Variants in ZKSCAN5 observed in about 807,000 individuals in gnomAD.
The protein encoded by ZKSCAN5 is zinc finger with KRAB and SCAN domains 5, also known as zinc finger protein with KRAB and SCAN domains 5.
In ZKSCAN5, 28 loss-of-function variants were observed where a neutral mutation model predicts 60.0. The ratio of observed to expected loss-of-function variants is 0.47; its 90% CI spans 0.35 to 0.64. ZKSCAN5 has a LOEUF of 0.64. ZKSCAN5 is among the 30% of genes least tolerant of loss of function. The probability of loss-of-function intolerance (pLI) is 0.01; values close to 1 mark genes in which losing one functional copy is unlikely to be tolerated. For synonymous variants in ZKSCAN5, 361 were observed against 371.2 expected, an observed-to-expected ratio of 0.97 and a Z score of 0.31; for missense variants, 881 against 1,034.6, an observed-to-expected ratio of 0.85 and a Z score of 2.04.
rs147399702 is a variant in ZKSCAN5 at position 99,507,573 on chromosome 7, A to G, written c.414+1115A>G. 6.1e-3 allele frequency among the ~76,000 whole-genome samples: 907 copies of G among 148,984 alleles called. 11 individuals carry two copies. The highest frequency in any genetic ancestry group is 0.02 in the African/African-American group (823 of 40,726). ...TATATGTATATATATGTGTATATAT[A>G]TGTGTATATTTATGTGTGTGTGTAT... On this transcript the variant is annotated intron_variant, in intron 2 of 6. Transcript: ENST00000326775.
chr7:99,522,028 G>A (rs1801560212), intron 5 of ZKSCAN5, among the ~76,000 whole-genome samples: 1 of 152,112 alleles, frequency 6.6e-6, no homozygotes. Context: ...TCTCTAAGCA[G>A]TTTTAAATGT....
At chr7:99,512,634 G>C in intron 3 of ZKSCAN5, 43 bp downstream of exon 3, 2 of 1,594,174 alleles carry the variant, frequency 1.3e-6, no homozygotes, top group Non-Finnish European at 1.7e-6. Flanking sequence ...GCTCAAGAGT[G>C]GGTGCCTTGG....
At chr7:99,520,771 G>A (rs779233303) in intron 5 of ZKSCAN5, among the ~76,000 whole-genome samples, 4 of 151,980 alleles carry the variant, frequency 2.6e-5, no homozygotes, top group Non-Finnish European at 5.9e-5. Context: ...AGGCTGAGGC[G>A]GGTGGATCAC....
intron 3 of ZKSCAN5, among the ~76,000 whole-genome samples, chr7:99,514,041 G>A (rs932497964): frequency 2.6e-5 from 4 of 151,980 alleles, no homozygotes; most frequent in South Asian, 2.1e-4. Flanking sequence ...GCAAAACTCC[G>A]TCTCAAAAAA....
intron 1 of ZKSCAN5, 160 bp from the exon 2 acceptor site, chr7:99,505,845 T>C: frequency 1.8e-6 from 1 of 544,908 alleles, no homozygotes; most frequent in Non-Finnish European, 3.2e-6. Context: ...TTGTAGTACC[T>C]ATTTTTAAGT....
intron 5 of ZKSCAN5, among the ~76,000 whole-genome samples, chr7:99,523,747 TA>T (rs1365095182): frequency 1.3e-5 from 2 of 152,184 alleles, no homozygotes; most frequent in South Asian, 4.1e-4. Flanking sequence ...GGTTTTGTGA[TA>T]GGGTTTTTTG....
intron 1 of ZKSCAN5, chr7:99,505,181 T>A (rs1421496845): frequency 1.3e-5 from 2 of 149,962 alleles, no homozygotes; most frequent in Non-Finnish European, 2.9e-5. Context: ...CCGGGATTCC[T>A]AGAGAGGACG....
At chr7:99,516,457 G>A (rs919532375) in intron 3 of ZKSCAN5, among the ~76,000 whole-genome samples, 1 of 151,946 alleles carries the variant, frequency 6.6e-6, no homozygotes, top group Non-Finnish European at 1.5e-5. Flanking sequence ...TCCTTTTTGT[G>A]TCATTGCTCC....
intron 5 of ZKSCAN5, among the ~76,000 whole-genome samples, chr7:99,522,778 T>C (rs1246331678): frequency 6.6e-6 from 1 of 151,268 alleles, no homozygotes; most frequent in Non-Finnish European, 1.5e-5. Flanking sequence ...TGAGCCACCA[T>C]GCCTGGCTCG....
In ZKSCAN5 at chr7:99,518,670, C is replaced by CTTT. The variant is rs993896580; in HGVS notation, c.554-1136_554-1134dup. Among the ~76,000 whole-genome samples, 327 of 92,160 alleles carry CTTT rather than the reference C, an allele frequency of 3.5e-3. 4 individuals are homozygous for CTTT. The highest frequency in any genetic ancestry group is 8.6e-3 in the East Asian group (24 of 2,806). The allele number at this position is 92,160 out of a possible 152,430, so 60.5% of individuals were successfully genotyped here. On this transcript the variant is annotated intron_variant, in intron 3 of 6. Coordinates refer to ENST00000326775, the MANE Select transcript of ZKSCAN5 (RefSeq NM_145102.4). ...TGATCTTGGCAAAGCAGAATGCATCCTTTTTTTTTTTTTTTTTTTTTTTGA... is the reference window on the plus strand; with the variant it reads ...TGATCTTGGCAAAGCAGAATGCATCCTTTTTTTTTTTTTTTTTTTTTTTTTTGA...
intron 6 of ZKSCAN5, among the ~76,000 whole-genome samples, 197 bp from the exon 7 acceptor site, chr7:99,530,911 G>T (rs1251071589): frequency 6.6e-6 from 1 of 152,058 alleles, no homozygotes; most frequent in Non-Finnish European, 1.5e-5. Flanking sequence ...ACAAAAATTA[G>T]CTGGGTGTGG....
chr7:99,511,725 G>A (rs1314081901), intron 2 of ZKSCAN5, among the ~76,000 whole-genome samples: 1 of 137,276 alleles, frequency 7.3e-6, no homozygotes, highest in African/African-American at 2.8e-5. Flanking sequence ...TTATAGGCAT[G>A]AGCTACCGTT....
chr7:99,518,082 C>T (rs183645613), intron 3 of ZKSCAN5, among the ~76,000 whole-genome samples: 1 of 151,996 alleles, frequency 6.6e-6, no homozygotes, highest in Non-Finnish European at 1.5e-5. Context: ...TGTGGTAATC[C>T]AAGAGTGGTC....
At chr7:99,528,468 A>G (rs1383420053) in intron 6 of ZKSCAN5, among the ~76,000 whole-genome samples, 1 of 151,994 alleles carries the variant, frequency 6.6e-6, no homozygotes, top group Non-Finnish European at 1.5e-5. Flanking sequence ...GCTCTGTCAC[A>G]CAGGCTAGGG....
At chr7:99,511,530 C>T (rs1801025285) in intron 2 of ZKSCAN5, among the ~76,000 whole-genome samples, 1 of 151,672 alleles carries the variant, frequency 6.6e-6, no homozygotes, top group Non-Finnish European at 1.5e-5. Flanking sequence ...GCAGCCTTGA[C>T]CTCCTGGGCT....
At chr7:99,507,898 C>A (rs188977816) in intron 2 of ZKSCAN5, among the ~76,000 whole-genome samples, 106 of 151,022 alleles carry the variant, frequency 7.0e-4, no homozygotes, top group African/African-American at 2.5e-3. Context: ...AGAGGCATAC[C>A]CTATTTCAAA....
chr7:99,515,855 G>T (rs530831122), intron 3 of ZKSCAN5, among the ~76,000 whole-genome samples: 129 of 150,304 alleles, frequency 8.6e-4, no homozygotes, highest in Admixed American at 2.4e-3. Flanking sequence ...AAAAAAGAAA[G>T]AAATTAAGCT....
intron 1 of ZKSCAN5, 76 bp downstream of exon 1, chr7:99,504,809 C>T (rs2151089323): frequency 6.6e-6 from 1 of 152,428 alleles, no homozygotes; most frequent in African/African-American, 2.4e-5. Flanking sequence ...CCAAATTCAA[C>T]ATAAGCGAGG....
intron 6 of ZKSCAN5, among the ~76,000 whole-genome samples, chr7:99,530,236 T>C (rs528676392): frequency 2.6e-5 from 4 of 152,172 alleles, no homozygotes; most frequent in African/African-American, 9.6e-5. Flanking sequence ...GGTTTCACCA[T>C]GTTGGCCAGG....
Sources: allele counts gnomAD v4.1 joint callset (sites outside exome capture counted in the v4.1 genomes callset), GRCh38; gene constraint gnomAD v4.1.1; transcripts MANE v1.5; gene names NCBI Gene and HGNC (gene_info 2026-07-23, HGNC 2026-07-21).